ME1: variants seen among roughly 807,000 people sequenced by gnomAD.
ME1 encodes malic enzyme 1, also known as NADP-dependent malic enzyme.
ME1 carries 74 observed loss-of-function variants against 66.4 expected under a neutral mutation model. That is an observed-to-expected ratio of 1.11 (90% CI 0.92 to 1.35). ME1 has a LOEUF of 1.35. ME1 is among the 40% of genes most tolerant of loss of function. The pLI is 0.00. For synonymous variants in ME1, 251 were observed against 235.6 expected (o/e 1.07, Z -0.60); for missense variants, 750 against 694.1 (o/e 1.08, Z -0.90).
At chr6:83,355,647 T>C (rs1372986589) in intron 3 of ME1, among the ~76,000 whole-genome samples, 1 of 152,140 alleles carries the variant, frequency 6.6e-6, no homozygotes, top group Non-Finnish European at 1.5e-5. Flanking sequence ...ATTTGAGTTA[T>C]TTGCAATACT....
chr6:83,277,901 A>AAATAATAATAATAACAATAAT lies in ME1; in HGVS notation c.705-24164_705-24163insATTATTGTTATTATTATTATT, dbSNP rs1554264916. ...TGGGCGATAGTGAGACTGTATCTCA[A>AAATAATAATAATAACAATAAT]AATAATAATAATAATAATAATAATA... On this transcript the variant is annotated intron_variant, in intron 6 of 13. Coordinates refer to ENST00000369705, the MANE Select transcript of ME1 (RefSeq NM_002395.6). Among the ~76,000 whole-genome samples, 580 of 144,108 alleles carry AAATAATAATAATAACAATAAT rather than the reference A, an allele frequency of 4.0e-3. 5 individuals are homozygous for AAATAATAATAATAACAATAAT. The highest frequency in any genetic ancestry group is 0.014 in the African/African-American group (534 of 38,438). The allele number at this position is 144,108 out of a possible 152,430, so 94.5% of individuals were successfully genotyped here.
intron 3 of ME1, among the ~76,000 whole-genome samples, chr6:83,374,104 T>C (rs532569069): frequency 1.3e-5 from 2 of 152,342 alleles, no homozygotes; most frequent in East Asian, 3.9e-4. Flanking sequence ...TATATTCCTT[T>C]AGGTATATAT....
chr6:83,309,217 A>G (rs758468917), intron 6 of ME1, among the ~76,000 whole-genome samples: 5 of 152,172 alleles, frequency 3.3e-5, no homozygotes, highest in African/African-American at 7.2e-5. Flanking sequence ...TGTTGAGGAC[A>G]GACTAAAGGG....
At chr6:83,260,445 G>C (rs1042959525) in intron 6 of ME1, among the ~76,000 whole-genome samples, 3 of 151,978 alleles carry the variant, frequency 2.0e-5, no homozygotes, top group Admixed American at 2.0e-4. Flanking sequence ...TTAGGTTCAG[G>C]GGTACATATA....
At chr6:83,415,651 C>T (rs565252679) in intron 1 of ME1, among the ~76,000 whole-genome samples, 87 of 152,214 alleles carry the variant, frequency 5.7e-4, no homozygotes, top group South Asian at 3.3e-3. Context: ...ACAAAGAGTG[C>T]TCATGATTTA....
At chr6:83,249,416 G>T (rs987496881) in intron 7 of ME1, among the ~76,000 whole-genome samples, 2 of 151,924 alleles carry the variant, frequency 1.3e-5, no homozygotes, top group African/African-American at 4.8e-5. Context: ...TAGTAGAGAT[G>T]GGGCTTCACC....
rs57647416 is a variant in ME1, at chr6:83,240,773, G to A, written c.815-1137C>T. ...GCGTTATGTATGTCAAGTATCAAAGGTAATCAACATTTCACAATCAGTAAA... is the reference window on the plus strand; with the variant it reads ...GCGTTATGTATGTCAAGTATCAAAGATAATCAACATTTCACAATCAGTAAA... On this transcript the variant is annotated intron_variant, in intron 7 of 13. Transcript: ENST00000369705. 8.9e-3 allele frequency among the ~76,000 whole-genome samples: 1,351 copies of A among 152,176 alleles called. 29 individuals are homozygous for A. The highest frequency in any genetic ancestry group is 0.031 in the African/African-American group (1,280 of 41,528).
chr6:83,298,922 T>TATGTGTCTG (rs1767655018), intron 6 of ME1, among the ~76,000 whole-genome samples: 1 of 143,064 alleles, frequency 7.0e-6, no homozygotes, highest in Non-Finnish European at 1.5e-5. Flanking sequence ...TCCATTAGTC[T>TATGTGTCTG]ATGTGTCTGT....
intron 6 of ME1, among the ~76,000 whole-genome samples, chr6:83,279,966 T>G (rs975011071): frequency 7.2e-5 from 11 of 152,192 alleles, no homozygotes; most frequent in Non-Finnish European, 1.0e-4. Context: ...AGTGTGGGGT[T>G]AAATATTTCA....
intron 6 of ME1, among the ~76,000 whole-genome samples, chr6:83,288,411 A>G (rs1360684094): frequency 6.6e-6 from 1 of 152,140 alleles, no homozygotes; most frequent in African/African-American, 2.4e-5. Context: ...TTAAATAGGG[A>G]ATCTTTTCCC....
intron 3 of ME1, among the ~76,000 whole-genome samples, chr6:83,363,575 G>C (rs181720717): frequency 2.3e-4 from 35 of 152,230 alleles, no homozygotes; most frequent in Admixed American, 1.9e-3. Flanking sequence ...ACTCCACCAG[G>C]AAAAAAACTA....
At chr6:83,383,587 C>A (rs376721697) in intron 3 of ME1, among the ~76,000 whole-genome samples, 11 of 151,768 alleles carry the variant, frequency 7.2e-5, no homozygotes, top group Non-Finnish European at 1.5e-4. Context: ...TTATTTGGCA[C>A]GTTGACAATA....
At chr6:83,268,843 C>A (rs531426072) in intron 6 of ME1, among the ~76,000 whole-genome samples, 2 of 151,796 alleles carry the variant, frequency 1.3e-5, no homozygotes, top group African/African-American at 2.4e-5. Flanking sequence ...CTGCCAGCCT[C>A]GGCCTCCCAA....
At position 83,227,437 on chromosome 6, in the gene ME1, G is replaced by A; in HGVS notation, c.1173C>T (p.Leu391=). The part of the protein sequence containing the change: ...AIGGAFSEQI[L]KDMAAFNERP... ...GTTCATTGAAGGCAGCCATATCTTT[G>A]AGAATTTGTTCTGAGAATGCACCAC... The change falls in exon 11 of 14, where the codon CTC becomes CTT. Residue 391 remains leucine (L), a synonymous_variant. Transcript: ENST00000369705. The A allele has an allele frequency of 6.2e-7, 1 of 1,602,876 alleles. No homozygotes were observed. The highest frequency in any genetic ancestry group is 8.5e-7 in the Non-Finnish European group (1 of 1,172,930).
At chr6:83,412,964 T>G (rs920483535) in intron 1 of ME1, among the ~76,000 whole-genome samples, 1 of 152,184 alleles carries the variant, frequency 6.6e-6, no homozygotes, top group East Asian at 1.9e-4. Context: ...AAAAGTAAAT[T>G]TCATTATATT....
At chr6:83,240,073 G>A (rs1790482685) in intron 7 of ME1, among the ~76,000 whole-genome samples, 1 of 151,962 alleles carries the variant, frequency 6.6e-6, no homozygotes, top group Non-Finnish European at 1.5e-5. Context: ...AATTACTCTT[G>A]GGGTTTTGAA....
chr6:83,262,864 A>G (rs1766923994), intron 6 of ME1, among the ~76,000 whole-genome samples: 1 of 152,230 alleles, frequency 6.6e-6, no homozygotes, highest in Non-Finnish European at 1.5e-5. Context: ...ATTTCATACT[A>G]CAAGAATACA....
Position 83,212,152 on chromosome 6 carries a change from T to C in ME1, c.1549-58A>G, listed in dbSNP as rs535051829. ...ATAAATAGAGGTAATCATGAGCCCA[T>C]GTGAGTGGAAGTTTTTATCCATTTC... On this transcript the variant is annotated intron_variant, in intron 13 of 13. Transcript: ENST00000369705. 2.1e-5 allele frequency: 26 copies of C among 1,262,652 alleles called. No individual in the cohort carries two copies. The East Asian group carries it at 6.3e-4, about 31-fold the overall frequency. The allele number at this position is 1,262,652 out of a possible 1,614,324, so 78.2% of individuals were successfully genotyped here. A position where few individuals can be genotyped will look rare whatever the true frequency, so the allele number is the denominator to read the frequency against.
intron 6 of ME1, among the ~76,000 whole-genome samples, chr6:83,258,686 A>G (rs1766827684): frequency 6.6e-6 from 1 of 152,140 alleles, no homozygotes; most frequent in Non-Finnish European, 1.5e-5. Context: ...CTTTACAGGG[A>G]TTATCTCAAT....
Sources: gnomAD v4.1 joint callset for allele counts (sites outside exome capture counted in the v4.1 genomes callset) on GRCh38, gnomAD v4.1.1 for gene constraint, MANE v1.5 for transcripts, NCBI Gene and HGNC (gene_info 2026-07-23, HGNC 2026-07-21) for gene names.